Variants in FYN observed in about 807,000 individuals in gnomAD.
FYN encodes tyrosine-protein kinase Fyn.
FYN carries 10 observed loss-of-function variants against 70.2 expected under a neutral mutation model. The ratio of observed to expected loss-of-function variants is 0.14; its 90% CI spans 0.09 to 0.24. The LOEUF (loss-of-function observed/expected upper bound fraction) is 0.24. FYN is among the 10% of genes least tolerant of loss of function. FYN has a pLI of 1.00. For synonymous variants in FYN, 236 were observed against 248.6 expected (o/e 0.95, Z 0.48); for missense variants, 319 against 673.1 (o/e 0.47, Z 5.82).
chr6:111,693,777 T>C (rs1160371437), intron 12 of FYN, among the ~76,000 whole-genome samples: 4 of 152,060 alleles, frequency 2.6e-5, no homozygotes, highest in African/African-American at 9.7e-5. Context: ...GACCTCTACT[T>C]CTGGTTGGGT....
chr6:111,778,389 T>C (rs1771034673), intron 3 of FYN, among the ~76,000 whole-genome samples: 1 of 152,148 alleles, frequency 6.6e-6, no homozygotes, highest in Non-Finnish European at 1.5e-5. Context: ...ATGCCTTCTA[T>C]GTGACAGGCA....
At chr6:111,810,837 AC>A (rs1772301235) in intron 2 of FYN, among the ~76,000 whole-genome samples, 1 of 152,196 alleles carries the variant, frequency 6.6e-6, no homozygotes, top group Non-Finnish European at 1.5e-5. Context: ...ACTCTTCCTT[AC>A]ACTCGCGCTT....
chr6:111,855,889 C>T (rs951027936), intron 1 of FYN, among the ~76,000 whole-genome samples: 4 of 152,176 alleles, frequency 2.6e-5, no homozygotes, highest in African/African-American at 9.6e-5. Context: ...GAACACATTG[C>T]ATGATGAGAA....
intron 1 of FYN, among the ~76,000 whole-genome samples, chr6:111,865,550 T>C (rs998170092): frequency 2.6e-5 from 4 of 152,344 alleles, no homozygotes; most frequent in African/African-American, 7.2e-5. Context: ...GTTGTCTATA[T>C]TGCATGTCAC....
At chr6:111,745,481 A>G (rs549496243) in intron 3 of FYN, among the ~76,000 whole-genome samples, 23 of 152,312 alleles carry the variant, frequency 1.5e-4, no homozygotes, top group African/African-American at 5.5e-4. Context: ...CAGGCTGCAG[A>G]ACAGCTCTTA....
intron 5 of FYN, among the ~76,000 whole-genome samples, chr6:111,708,669 T>C (rs1185801744): frequency 2.0e-5 from 3 of 152,170 alleles, no homozygotes; most frequent in African/African-American, 2.4e-5. Context: ...TTCCATCAAA[T>C]GTCCAGAGCA....
At chr6:111,822,676 AAAAT>A (rs1415481029) in intron 2 of FYN, among the ~76,000 whole-genome samples, 7 of 151,410 alleles carry the variant, frequency 4.6e-5, no homozygotes, top group Non-Finnish European at 7.4e-5. Context: ...AATAATCTAA[AAAAT>A]AAATAATAAA....
intron 1 of FYN, among the ~76,000 whole-genome samples, chr6:111,865,987 C>A (rs981956720): frequency 2.0e-5 from 3 of 152,052 alleles, no homozygotes; most frequent in Non-Finnish European, 4.4e-5. Context: ...GATTCAGAAC[C>A]GACAATCACC....
At chr6:111,821,267 T>C (rs1583470371) in intron 2 of FYN, among the ~76,000 whole-genome samples, 3 of 152,120 alleles carry the variant, frequency 2.0e-5, no homozygotes, top group Middle Eastern at 6.8e-3. Flanking sequence ...AACAGCATGG[T>C]ACTGGTACCA....
intron 3 of FYN, among the ~76,000 whole-genome samples, chr6:111,762,113 T>C (rs912665607): frequency 3.3e-5 from 5 of 152,172 alleles, no homozygotes; most frequent in Non-Finnish European, 5.9e-5. Context: ...TGGAATCCTA[T>C]CTAAGTGGCT....
intron 2 of FYN, among the ~76,000 whole-genome samples, chr6:111,839,200 G>A (rs1360432581): frequency 6.6e-6 from 1 of 152,058 alleles, no homozygotes; most frequent in East Asian, 1.9e-4. Flanking sequence ...TGTCTTACCA[G>A]ATTATCCAAA....
intron 5 of FYN, among the ~76,000 whole-genome samples, chr6:111,713,748 C>A (rs1256003365): frequency 6.6e-6 from 1 of 152,142 alleles, no homozygotes; most frequent in African/African-American, 2.4e-5. Context: ...AACTGTTGTT[C>A]CTCCTGGCCA....
rs570054394 is a variant in FYN, at chr6:111,806,398, C to T, written c.-81-25763G>A. Among the ~76,000 whole-genome samples, 25 of 152,288 alleles carry T rather than the reference C, an allele frequency of 1.6e-4. No homozygotes were observed. The South Asian group carries it at 2.9e-3, about 18-fold the overall frequency. Reference sequence around the variant, plus strand: ...TGACTGGGTCAGGAGGACACCCCTTCGGCCCAGCTCTGCCCTCCTGGAAGG... The same window carrying T: ...TGACTGGGTCAGGAGGACACCCCTTTGGCCCAGCTCTGCCCTCCTGGAAGG... On this transcript the variant is annotated intron_variant, in intron 2 of 13. Transcript: ENST00000354650.
intron 2 of FYN, among the ~76,000 whole-genome samples, chr6:111,814,834 T>C (rs570989986): frequency 1.3e-5 from 2 of 152,334 alleles, no homozygotes; most frequent in African/African-American, 4.8e-5. Context: ...GGGGCAGAAA[T>C]GCAAGCAAGG....
chr6:111,779,124 T>A (rs1323416499), intron 3 of FYN, among the ~76,000 whole-genome samples: 4 of 144,488 alleles, frequency 2.8e-5, no homozygotes, highest in African/African-American at 7.7e-5. Flanking sequence ...AGGAGACATT[T>A]TTTTTTTTTT....
intron 2 of FYN, among the ~76,000 whole-genome samples, chr6:111,825,355 G>A (rs1772799522): frequency 6.6e-6 from 1 of 152,176 alleles, no homozygotes; most frequent in Non-Finnish European, 1.5e-5. Flanking sequence ...ATACTCTATA[G>A]AGGGTAGCAA....
At chr6:111,692,103 C>T (rs1012852458) in intron 12 of FYN, among the ~76,000 whole-genome samples, 157 of 139,000 alleles carry the variant, frequency 1.1e-3, no homozygotes, top group African/African-American at 3.9e-3. Context: ...GCTTCATTTC[C>T]CCCCCCCCCA....
At chr6:111,781,458 C>T (rs1342477311) in intron 2 of FYN, among the ~76,000 whole-genome samples, 1 of 152,216 alleles carries the variant, frequency 6.6e-6, no homozygotes, top group African/African-American at 2.4e-5. Flanking sequence ...GGAATCCTTT[C>T]TAAACACAAC....
intron 4 of FYN, among the ~76,000 whole-genome samples, chr6:111,716,226 T>C (rs1800635399): frequency 6.6e-6 from 1 of 152,238 alleles, no homozygotes; most frequent in African/African-American, 2.4e-5. Flanking sequence ...GCTCAGAAGC[T>C]AGGGCTAAGC....
Sources: allele counts gnomAD v4.1 joint callset (sites outside exome capture counted in the v4.1 genomes callset), GRCh38; gene constraint gnomAD v4.1.1; transcripts MANE v1.5; gene names NCBI Gene and HGNC (gene_info 2026-07-23, HGNC 2026-07-21).